Variants in UBE3D observed in about 807,000 individuals in gnomAD.
UBE3D encodes the protein ubiquitin protein ligase E3D, also known as E3 ubiquitin-protein ligase E3D.
A neutral mutation model predicts 49.6 loss-of-function variants in UBE3D; 48 were observed. That is an observed-to-expected ratio of 0.97 (90% CI 0.77 to 1.23). The LOEUF (loss-of-function observed/expected upper bound fraction) is 1.23. Ranked by LOEUF, UBE3D falls within the 50% of genes most tolerant of loss-of-function variation. UBE3D has a pLI of 0.00. For synonymous variants in UBE3D, 189 were observed against 174.2 expected (o/e 1.08, Z -0.67); for missense variants, 452 against 468.4 (o/e 0.96, Z 0.32).
At chr6:82,901,339 G>A (rs1771719741) in intron 9 of UBE3D, among the ~76,000 whole-genome samples, 1 of 152,018 alleles carries the variant, frequency 6.6e-6, no homozygotes, top group Non-Finnish European at 1.5e-5. Context: ...GGTATTGACT[G>A]ACAGTCCCAG....
At chr6:83,002,608 A>C (rs1779708848) in intron 8 of UBE3D, among the ~76,000 whole-genome samples, 1 of 152,148 alleles carries the variant, frequency 6.6e-6, no homozygotes, top group South Asian at 2.1e-4. Flanking sequence ...TCACTTGAAC[A>C]CAGGAGGCAG....
chr6:83,019,925 G>A (rs1462646073), intron 7 of UBE3D, among the ~76,000 whole-genome samples: 4 of 152,142 alleles, frequency 2.6e-5, no homozygotes, highest in African/African-American at 9.7e-5. Flanking sequence ...GTAACTTCTG[G>A]GCAAGGCAAC....
chr6:82,951,762 C>A (rs1275188730), intron 9 of UBE3D, among the ~76,000 whole-genome samples: 1 of 152,146 alleles, frequency 6.6e-6, no homozygotes. Context: ...ATGCCAAAGG[C>A]AGATCTTGTT....
chr6:83,049,243 GTAAT>G (rs1474556083), intron 3 of UBE3D, among the ~76,000 whole-genome samples: 3 of 152,028 alleles, frequency 2.0e-5, no homozygotes, highest in Admixed American at 1.3e-4. Flanking sequence ...AATAACAATG[GTAAT>G]AACAGCTTCT....
chr6:83,056,946 T>C (rs951513231), intron 2 of UBE3D, among the ~76,000 whole-genome samples: 3 of 152,208 alleles, frequency 2.0e-5, no homozygotes, highest in Non-Finnish European at 4.4e-5. Flanking sequence ...CCAAAGCATA[T>C]ATTACGTACA....
the UBE3D span, among the ~76,000 whole-genome samples, chr6:82,886,659 A>G: frequency 1.3e-5 from 2 of 152,212 alleles, no homozygotes; most frequent in Non-Finnish European, 2.9e-5. Flanking sequence ...TTTCTTTATC[A>G]AGTTCTCTTT....
At chr6:82,995,328 A>G (rs1300799523) in intron 8 of UBE3D, among the ~76,000 whole-genome samples, 2 of 152,196 alleles carry the variant, frequency 1.3e-5, no homozygotes, top group African/African-American at 4.8e-5. Flanking sequence ...TGCTAGAAAG[A>G]TCTCCTTAAA....
chr6:82,894,761 G>A (rs1771187835), intron 9 of UBE3D, among the ~76,000 whole-genome samples: 1 of 152,178 alleles, frequency 6.6e-6, no homozygotes, highest in African/African-American at 2.4e-5. Context: ...AAGACCAGAA[G>A]TCATTGAGTC....
At chr6:83,009,672 A>G (rs1780210748) in intron 8 of UBE3D, among the ~76,000 whole-genome samples, 1 of 113,626 alleles carries the variant, frequency 8.8e-6, no homozygotes, top group African/African-American at 3.2e-5. Context: ...ATTTTGAGTG[A>G]GCGCTCACAT....
chr6:82,957,281 A>G (rs908508536), intron 9 of UBE3D, 31 bp downstream of exon 9: 2 of 1,604,600 alleles, frequency 1.2e-6, no homozygotes, highest in East Asian at 2.2e-5. Context: ...AAACTGAGAA[A>G]TCACGGCCTA....
In UBE3D at chr6:83,027,434, CAAAAAAAAAAA is replaced by C. The variant is rs61225462; in HGVS notation, c.668-3407_668-3397del. Among the ~76,000 whole-genome samples the C allele has an allele frequency of 1.1e-3, 37 of 34,644 alleles. 1 individual carries two copies. The highest frequency in any genetic ancestry group is 7.0e-3 in the East Asian group (8 of 1,148). 22.7% of individuals were successfully genotyped at this position (34,644 alleles called of 152,430 possible). A position where few individuals can be genotyped will look rare whatever the true frequency, so the allele number is the denominator to read the frequency against. On this transcript the variant is annotated intron_variant, in intron 5 of 9. Transcript: ENST00000369747. ...CTGGCGACAGAGCGAGACTCCGTCTCAAAAAAAAAAAAAAAAAAAAAAAAAAAGAAACCACT... is the reference window on the plus strand; with the variant it reads ...CTGGCGACAGAGCGAGACTCCGTCTCAAAAAAAAAAAAAAAAGAAACCACT...
At chr6:82,917,267 T>G (rs1582334649) in intron 9 of UBE3D, among the ~76,000 whole-genome samples, 1 of 152,072 alleles carries the variant, frequency 6.6e-6, no homozygotes, top group Non-Finnish European at 1.5e-5. Context: ...AGCGCAAATG[T>G]TAGGACAGGC....
rs534787832 is a variant in UBE3D at position 82,905,556 on chromosome 6, C to T, written c.1150-12514G>A. On this transcript the variant is annotated intron_variant, in intron 9 of 9. Transcript: ENST00000369747. ...AATACTGAAATTAGGCCAATTAATACCCTACAGTGGCCTCTAAATGTTCAA... is the reference window on the plus strand; with the variant it reads ...AATACTGAAATTAGGCCAATTAATATCCTACAGTGGCCTCTAAATGTTCAA... Among the ~76,000 whole-genome samples, 29 of 152,232 alleles carry T rather than the reference C, an allele frequency of 1.9e-4. 1 individual carries two copies. In the South Asian group the frequency reaches 5.8e-3, roughly 30 times the overall value.
intron 9 of UBE3D, among the ~76,000 whole-genome samples, chr6:82,911,954 G>A (rs1417604703): frequency 6.6e-6 from 1 of 152,140 alleles, no homozygotes; most frequent in Non-Finnish European, 1.5e-5. Context: ...TGGATTCACA[G>A]GCTGACTGAC....
intron 9 of UBE3D, among the ~76,000 whole-genome samples, chr6:82,954,990 T>C (rs913330822): frequency 9.2e-5 from 14 of 152,252 alleles, no homozygotes; most frequent in African/African-American, 3.1e-4. Flanking sequence ...GACAATAATA[T>C]TCAGAAAAGG....
At chr6:82,952,182 G>A (rs888289625) in intron 9 of UBE3D, among the ~76,000 whole-genome samples, 7 of 151,950 alleles carry the variant, frequency 4.6e-5, no homozygotes, top group Non-Finnish European at 7.4e-5. Context: ...TAAGAATAGG[G>A]GTTCTCGAGC....
chr6:83,056,817 C>T (rs1783844323), intron 2 of UBE3D, among the ~76,000 whole-genome samples: 1 of 152,194 alleles, frequency 6.6e-6, no homozygotes, highest in Non-Finnish European at 1.5e-5. Context: ...AGGTTTATTA[C>T]AGATGAGGCA....
intron 3 of UBE3D, among the ~76,000 whole-genome samples, chr6:83,052,278 T>A (rs752400692): frequency 6.6e-6 from 1 of 152,082 alleles, no homozygotes; most frequent in Non-Finnish European, 1.5e-5. Context: ...TCTGTACTAC[T>A]AGACAGACTC....
intron 8 of UBE3D, among the ~76,000 whole-genome samples, chr6:83,016,939 T>C (rs1359987651): frequency 6.6e-6 from 1 of 152,208 alleles, no homozygotes; most frequent in East Asian, 1.9e-4. Flanking sequence ...CCAGCCATGC[T>C]GGCAGCTGAT....
Sources: gnomAD v4.1 joint callset for allele counts (sites outside exome capture counted in the v4.1 genomes callset) on GRCh38, gnomAD v4.1.1 for gene constraint, MANE v1.5 for transcripts, NCBI Gene and HGNC (gene_info 2026-07-23, HGNC 2026-07-21) for gene names.